C3orf20: variants seen among roughly 807,000 people sequenced by gnomAD.
The protein encoded by C3orf20 is family with sequence similarity 149 member C.
In C3orf20, 76 loss-of-function variants were observed where a neutral mutation model predicts 88.3. The observed-to-expected ratio is 0.86, with a 90% CI of 0.72 to 1.04. The LOEUF is 1.04. Among genes scored for constraint, C3orf20 ranks in the 50% least tolerant of loss-of-function variants. The pLI is 0.00. For missense variants in C3orf20, 1,056 were observed against 1,123.3 expected, an observed-to-expected ratio of 0.94 and a Z score of 0.86; for synonymous variants, 436 against 437.4, an observed-to-expected ratio of 1.00 and a Z score of 0.04.
chr3:14,721,565 A>T (rs1559419964), intron 9 of C3orf20, 88 bp from the exon 10 acceptor site: 3 of 1,539,468 alleles, frequency 1.9e-6, no homozygotes, highest in Non-Finnish European at 2.6e-6. Context: ...CCAAGCCAAC[A>T]GGGGCTTTGT....
intron 10 of C3orf20, among the ~76,000 whole-genome samples, chr3:14,725,429 C>A (rs1391419008): frequency 6.6e-6 from 1 of 152,146 alleles, no homozygotes; most frequent in East Asian, 1.9e-4. Flanking sequence ...CTTTTACAGC[C>A]CTGAGGCCTG....
At chr3:14,706,586 C>T (rs2033512819) in intron 7 of C3orf20, among the ~76,000 whole-genome samples, 1 of 128,488 alleles carries the variant, frequency 7.8e-6, no homozygotes, top group Admixed American at 9.4e-5. Flanking sequence ...ACTTTTGATC[C>T]ATTGCTACTG....
At chr3:14,703,401 G>A in intron 6 of C3orf20, 139 bp downstream of exon 6, 1 of 1,397,370 alleles carries the variant, frequency 7.2e-7, no homozygotes, top group Non-Finnish European at 9.7e-7. Context: ...GGGTTATGTG[G>A]TACTCCCCAC....
At chr3:14,748,246 T>A (rs2125018255) in intron 12 of C3orf20, among the ~76,000 whole-genome samples, 1 of 152,286 alleles carries the variant, frequency 6.6e-6, no homozygotes, top group East Asian at 1.9e-4. Flanking sequence ...ATTATCTGAT[T>A]TGTTGGCATA....
At chr3:14,678,977 C>T (rs2031939638) in intron 1 of C3orf20, among the ~76,000 whole-genome samples, 1 of 151,886 alleles carries the variant, frequency 6.6e-6, no homozygotes, top group African/African-American at 2.4e-5. Flanking sequence ...GCTGCTCTCC[C>T]ACGGATCCCC....
Position 14,772,726 on chromosome 3 carries a change from G to A in C3orf20, c.2631-65G>A. The A allele has an allele frequency of 1.5e-6, 2 of 1,376,402 alleles. No homozygotes were observed. The highest frequency in any genetic ancestry group is 2.1e-6 in the Non-Finnish European group (2 of 969,198). The allele number at this position is 1,376,402 out of a possible 1,614,324, so 85.3% of individuals were successfully genotyped here. Reference sequence around the variant, plus strand: ...GCCTTGCCCCTCCTGGCCCAACCGGGCCTGGGCTCTGGGCACTGTGAAGAA... The same window carrying A: ...GCCTTGCCCCTCCTGGCCCAACCGGACCTGGGCTCTGGGCACTGTGAAGAA... On this transcript the variant is annotated intron_variant, in intron 16 of 16. Coordinates refer to ENST00000253697, the MANE Select transcript of C3orf20 (RefSeq NM_032137.5). The surrounding 1 kb of genome is among the most constrained non-coding windows in gnomAD (Gnocchi z 4.2).
chr3:14,719,463 C>T (rs775870054), intron 9 of C3orf20, among the ~76,000 whole-genome samples: 13 of 152,150 alleles, frequency 8.5e-5, no homozygotes, highest in South Asian at 6.2e-4. Flanking sequence ...GACTCCATGA[C>T]GGATTATGTG....
chr3:14,688,652 A>G (rs184085364), intron 4 of C3orf20, among the ~76,000 whole-genome samples: 114 of 152,216 alleles, frequency 7.5e-4, no homozygotes, highest in Admixed American at 6.5e-5. Context: ...TTGTCACTGA[A>G]GAAAACCAGA....
At position 14,757,450 on chromosome 3, in the gene C3orf20, A is replaced by T; in HGVS notation, c.2020A>T (p.Met674Leu). 6.2e-7 allele frequency: 1 copy of T among 1,612,662 alleles called. No homozygotes were observed. Among genetic ancestry groups the T allele is most frequent in the Non-Finnish European group, 8.5e-7 (1 of 1,179,920 alleles). The change falls in exon 13 of 17, where the codon ATG becomes TTG. Residue 674 changes from methionine to leucine, a missense_variant. Met to Leu is a conservative substitution (Grantham distance 15). Transcript: ENST00000253697. ...CTGCCCGCTGGTGCTGCGGAAGCTC[A>T]TGCTCAAGGAAGACACCCGTGCTGG... is the stretch of plus-strand genomic sequence containing the variant. ...SDCPLVLRKL[M>L]LKEDTRAGCK...
intron 15 of C3orf20, among the ~76,000 whole-genome samples, chr3:14,763,126 C>A (rs552294217): frequency 6.6e-6 from 1 of 152,016 alleles, no homozygotes; most frequent in Non-Finnish European, 1.5e-5. Context: ...GACAGGGGGA[C>A]GCTATTGGGA....
At chr3:14,697,110 T>C (rs1464329645) in intron 5 of C3orf20, among the ~76,000 whole-genome samples, 1 of 152,206 alleles carries the variant, frequency 6.6e-6, no homozygotes, top group Non-Finnish European at 1.5e-5. Flanking sequence ...TTTTTTAGGA[T>C]CCTTGACCTT....
chr3:14,691,903 A>G (rs896849377), intron 5 of C3orf20, among the ~76,000 whole-genome samples: 2 of 151,880 alleles, frequency 1.3e-5, no homozygotes, highest in Non-Finnish European at 1.5e-5. Context: ...ACTCCACACT[A>G]CCCTTCCCAG....
At chr3:14,700,846 G>A (rs189720969) in intron 5 of C3orf20, among the ~76,000 whole-genome samples, 6 of 152,272 alleles carry the variant, frequency 3.9e-5, no homozygotes, top group South Asian at 2.1e-4. Context: ...TTTGGGTGTC[G>A]GGGCCTCCAC....
chr3:14,744,652 T>A (rs532105298), intron 12 of C3orf20, among the ~76,000 whole-genome samples: 1 of 152,084 alleles, frequency 6.6e-6, no homozygotes, highest in South Asian at 2.1e-4. Context: ...CAGTTCCCCA[T>A]GGCTGGGGAG....
intron 15 of C3orf20, among the ~76,000 whole-genome samples, chr3:14,769,669 G>A (rs2035808856): frequency 6.6e-6 from 1 of 152,154 alleles, no homozygotes; most frequent in South Asian, 2.1e-4. Context: ...GCTTACCCCT[G>A]CAAGCATCAG....
At chr3:14,722,552 C>T (rs1409368297) in intron 10 of C3orf20, 2 of 456,684 alleles carry the variant, frequency 4.4e-6, no homozygotes, top group South Asian at 1.5e-5. Context: ...TCTCTACCAC[C>T]CTCTTCTCAT....
Position 14,703,172 on chromosome 3 carries a change from A to T in C3orf20, c.788A>T (p.His263Leu). ...GAAGATGTCAGCATGCCGCCCCTGC[A>T]TCGAGGAGTGGGAACCCCTGCCAAC... is the stretch of plus-strand genomic sequence containing the variant. Reference protein sequence around the residue: ...TTEDVSMPPLHRGVGTPANSL... With the variant: ...TTEDVSMPPLLRGVGTPANSL... Residue 263 changes from histidine (H) to leucine (L), a missense_variant, in exon 6 of 17, where the codon CAT becomes CTT. Transcript: ENST00000253697. 6.2e-7 allele frequency: 1 copy of T among 1,614,200 alleles called. No homozygotes were observed. Among genetic ancestry groups the T allele is most frequent in the Non-Finnish European group, 8.5e-7 (1 of 1,180,030 alleles).
At chr3:14,711,235 G>C (rs2033725719) in intron 7 of C3orf20, among the ~76,000 whole-genome samples, 1 of 152,092 alleles carries the variant, frequency 6.6e-6, no homozygotes, top group Non-Finnish European at 1.5e-5. Flanking sequence ...CTGTCTAGTT[G>C]TTCTATCCAT....
At chr3:14,678,908 T>C (rs2031935749) in intron 1 of C3orf20, among the ~76,000 whole-genome samples, 1 of 152,218 alleles carries the variant, frequency 6.6e-6, no homozygotes, top group Non-Finnish European at 1.5e-5. Context: ...GCAAATTCTT[T>C]GGAATGACAT....
Sources: gnomAD v4.1 joint callset for allele counts (sites outside exome capture counted in the v4.1 genomes callset) on GRCh38, gnomAD v4.1.1 for gene constraint, Gnocchi (gnomAD v3.1) non-coding constraint, MANE v1.5 for transcripts, NCBI Gene and HGNC (gene_info 2026-07-23, HGNC 2026-07-21) for gene names.